ARHGAP44: variants seen among roughly 807,000 people sequenced by gnomAD.
ARHGAP44 encodes Rho GTPase activating protein 44.
In ARHGAP44, 43 loss-of-function variants were observed where a neutral mutation model predicts 106.8. The observed-to-expected ratio is 0.40, with a 90% CI of 0.32 to 0.52. ARHGAP44 has a LOEUF of 0.52. ARHGAP44 is among the 20% of genes least tolerant of loss of function. The pLI, the probability that ARHGAP44 is intolerant of heterozygous loss-of-function variation, is 0.48. For missense variants in ARHGAP44, 866 were observed against 1,050.5 expected, an observed-to-expected ratio of 0.82 and a Z score of 2.43; for synonymous variants, 439 against 410.3, an observed-to-expected ratio of 1.07 and a Z score of -0.85.
intron 6 of ARHGAP44, among the ~76,000 whole-genome samples, chr17:12,920,981 G>T (rs2038067198): frequency 6.6e-6 from 1 of 152,124 alleles, no homozygotes; most frequent in Admixed American, 6.6e-5. Flanking sequence ...AAAAAGGCAG[G>T]TGCGTGAGTA....
chr17:12,852,902 T>A (rs1324250755), intron 1 of ARHGAP44, among the ~76,000 whole-genome samples: 1 of 152,142 alleles, frequency 6.6e-6, no homozygotes, highest in East Asian at 1.9e-4. Context: ...ATAGATTGCA[T>A]GGTCAGGTGG....
chr17:12,850,494 G>T (rs2035707349), intron 1 of ARHGAP44, among the ~76,000 whole-genome samples: 1 of 152,138 alleles, frequency 6.6e-6, no homozygotes, highest in African/African-American at 2.4e-5. Flanking sequence ...CATGTCCATG[G>T]GCAGGGGTCA....
chr17:12,917,266 G>A (rs371519485), intron 5 of ARHGAP44: 33 of 154,790 alleles, frequency 2.1e-4, no homozygotes, highest in African/African-American at 7.9e-4. Context: ...TCACAGAGGG[G>A]GAGAGGTCCC....
rs1195763306 is a variant in ARHGAP44, at chr17:12,810,401, A to G, written c.53+20510A>G. ...TCCCAGTTTCTGGCACAAAGCTTCA[A>G]ACATCTTTGGAATATCTTCAGTGAT... On this transcript the variant is annotated intron_variant, in intron 1 of 20. Coordinates refer to ENST00000379672, the MANE Select transcript of ARHGAP44 (RefSeq NM_014859.6). Among the ~76,000 whole-genome samples, 3 of 152,188 alleles carry G rather than the reference A, an allele frequency of 2.0e-5. No homozygotes were observed. In the East Asian group the frequency reaches 5.8e-4, roughly 29 times the overall value.
At chr17:12,983,220 G>A (rs935612438) in intron 19 of ARHGAP44, among the ~76,000 whole-genome samples, 6 of 144,020 alleles carry the variant, frequency 4.2e-5, no homozygotes, top group Admixed American at 7.2e-5. Context: ...AGCCGAGATC[G>A]CGCCACTGCA....
intron 3 of ARHGAP44, among the ~76,000 whole-genome samples, chr17:12,903,186 T>TGTGTGTGTGTGTGTG (rs1598027201): frequency 2.4e-5 from 3 of 127,614 alleles, no homozygotes; most frequent in Admixed American, 1.5e-4. Flanking sequence ...TGTGTGTGTG[T>TGTGTGTGTGTGTGTG]TTGGAGGAAT....
chr17:12,834,611 G>A (rs1445280399), intron 1 of ARHGAP44, among the ~76,000 whole-genome samples: 1 of 152,050 alleles, frequency 6.6e-6, no homozygotes, highest in Non-Finnish European at 1.5e-5. Context: ...TTGGCAGTGG[G>A]GATAAAACAT....
intron 20 of ARHGAP44, chr17:12,987,850 C>G (rs1453401933): frequency 1.3e-5 from 2 of 152,208 alleles, no homozygotes; most frequent in Admixed American, 1.3e-4. Context: ...ATATCAGTAT[C>G]TATTTGGTCT....
intron 6 of ARHGAP44, among the ~76,000 whole-genome samples, chr17:12,921,846 G>T (rs1402093617): frequency 6.6e-6 from 1 of 152,124 alleles, no homozygotes; most frequent in Non-Finnish European, 1.5e-5. Flanking sequence ...AAAAGAAGCT[G>T]ATACTGTAAG....
chr17:12,862,397 C>T (rs2036112675), intron 1 of ARHGAP44, among the ~76,000 whole-genome samples: 1 of 152,176 alleles, frequency 6.6e-6, no homozygotes. Flanking sequence ...ATGTGTCCTC[C>T]TCCTGAGTTG....
intron 1 of ARHGAP44, among the ~76,000 whole-genome samples, chr17:12,815,316 A>G (rs897529370): frequency 6.6e-6 from 1 of 152,174 alleles, no homozygotes; most frequent in Non-Finnish European, 1.5e-5. Context: ...TCCGCCTCGC[A>G]CTTATTCTGT....
At chr17:12,978,388 A>C (rs2039748500) in intron 18 of ARHGAP44, among the ~76,000 whole-genome samples, 1 of 152,210 alleles carries the variant, frequency 6.6e-6, no homozygotes, top group Non-Finnish European at 1.5e-5. Flanking sequence ...GGTTCCTCTG[A>C]ATAAAATGGT....
intron 3 of ARHGAP44, among the ~76,000 whole-genome samples, chr17:12,897,237 C>G (rs188026206): frequency 9.8e-4 from 143 of 145,526 alleles, no homozygotes; most frequent in African/African-American, 3.4e-3. Flanking sequence ...AGTTTATAAT[C>G]TACATGATTG....
intron 1 of ARHGAP44, among the ~76,000 whole-genome samples, chr17:12,851,444 TG>T (rs11355013): frequency 0.21 from 32,083 of 152,016 alleles, 3,925 homozygotes; most frequent in African/African-American, 0.34. Flanking sequence ...CCATGACACA[TG>T]GGCCATTATC....
At chr17:12,868,844 G>C (rs2036319735) in intron 1 of ARHGAP44, among the ~76,000 whole-genome samples, 1 of 151,038 alleles carries the variant, frequency 6.6e-6, no homozygotes, top group Admixed American at 6.6e-5. Flanking sequence ...TTTTAGTAGA[G>C]ACAGGGTCTC....
intron 1 of ARHGAP44, among the ~76,000 whole-genome samples, chr17:12,885,903 T>A (rs1165309986): frequency 6.6e-6 from 1 of 152,180 alleles, no homozygotes; most frequent in African/African-American, 2.4e-5. Context: ...AATCATGGTT[T>A]TGATGTTCTA....
chr17:12,881,944 T>TG (rs2036750727), intron 1 of ARHGAP44, among the ~76,000 whole-genome samples: 3 of 152,164 alleles, frequency 2.0e-5, no homozygotes, highest in African/African-American at 7.2e-5. Flanking sequence ...TCAGTGATCC[T>TG]CCTGCCTCAG....
intron 1 of ARHGAP44, among the ~76,000 whole-genome samples, chr17:12,847,796 C>A (rs1435203578): frequency 6.6e-6 from 1 of 152,130 alleles, no homozygotes; most frequent in Non-Finnish European, 1.5e-5. Context: ...TGAGCCACCG[C>A]GCCCGGCCCA....
At chr17:12,938,382 T>C (rs951947330) in intron 7 of ARHGAP44, among the ~76,000 whole-genome samples, 1 of 152,046 alleles carries the variant, frequency 6.6e-6, no homozygotes, top group Non-Finnish European at 1.5e-5. Flanking sequence ...GAATTACTAG[T>C]TCTTAAAATA....
Sources: allele counts gnomAD v4.1 joint callset (sites outside exome capture counted in the v4.1 genomes callset), GRCh38; gene constraint gnomAD v4.1.1; transcripts MANE v1.5; gene names NCBI Gene and HGNC (gene_info 2026-07-23, HGNC 2026-07-21).